SGIP1: variants seen among roughly 807,000 people sequenced by gnomAD.
SGIP1 encodes the protein SH3-containing GRB2-like protein 3-interacting protein 1.
A neutral mutation model predicts 107.5 loss-of-function variants in SGIP1; 38 were observed. The observed-to-expected ratio is 0.35, with a 90% CI of 0.27 to 0.46. The LOEUF is 0.46. SGIP1 is among the 20% of genes least tolerant of loss of function. The pLI is 1.00. For synonymous variants in SGIP1, 365 were observed against 366.1 expected (o/e 1.00, Z 0.03); for missense variants, 929 against 1,019.5 (o/e 0.91, Z 1.21).
At chr1:66,676,699 A>G (rs774036121) in intron 12 of SGIP1, among the ~76,000 whole-genome samples, 1 of 152,164 alleles carries the variant, frequency 6.6e-6, no homozygotes, top group Non-Finnish European at 1.5e-5. Flanking sequence ...GAGCCAGTAC[A>G]TGTACTGATA....
intron 19 of SGIP1, among the ~76,000 whole-genome samples, chr1:66,728,105 A>G (rs2093842251): frequency 6.6e-6 from 1 of 152,170 alleles, no homozygotes; most frequent in Non-Finnish European, 1.5e-5. Context: ...AACTTATATG[A>G]CTGAGTTTAC....
At chr1:66,553,761 C>T (rs145750080) in intron 1 of SGIP1, among the ~76,000 whole-genome samples, 204 of 152,196 alleles carry the variant, frequency 1.3e-3, no homozygotes, top group Non-Finnish European at 2.3e-3. Flanking sequence ...TTCATCACCT[C>T]CTAGTGCTGC....
At chr1:66,597,983 A>G (rs1435038237) in intron 1 of SGIP1, among the ~76,000 whole-genome samples, 1 of 152,160 alleles carries the variant, frequency 6.6e-6, no homozygotes, top group Non-Finnish European at 1.5e-5. Flanking sequence ...AAAGTCCTAT[A>G]TAGTTCAAGC....
intron 1 of SGIP1, among the ~76,000 whole-genome samples, chr1:66,600,143 G>A (rs2065493695): frequency 6.6e-6 from 1 of 152,158 alleles, no homozygotes; most frequent in Non-Finnish European, 1.5e-5. Context: ...CTTATGAACA[G>A]CACGTTAAAC....
chr1:66,655,475 C>T (rs529954710), intron 7 of SGIP1, among the ~76,000 whole-genome samples: 41 of 152,282 alleles, frequency 2.7e-4, no homozygotes, highest in African/African-American at 9.6e-4. Context: ...TAAATACTTT[C>T]CTTATTTAAT....
intron 19 of SGIP1, among the ~76,000 whole-genome samples, chr1:66,727,752 T>C (rs758464984): frequency 1.3e-5 from 2 of 152,154 alleles, no homozygotes; most frequent in African/African-American, 2.4e-5. Context: ...AATAATTATG[T>C]GCAGTGAAAG....
rs75949757 is a variant in SGIP1 at position 66,614,178 on chromosome 1, G to C, written c.11-11669G>C. On this transcript the variant is annotated intron_variant, in intron 1 of 24. Coordinates refer to ENST00000371037, the MANE Select transcript of SGIP1 (RefSeq NM_032291.4). ...AATAGAAGATCTGTAAGTAAAGACA[G>C]AGAATAATGACATGACTGTTTACTC... is the stretch of plus-strand genomic sequence containing the variant. Among the ~76,000 whole-genome samples, 146 of 152,326 alleles carry C rather than the reference G, an allele frequency of 9.6e-4. 6 individuals carry two copies. The East Asian group carries it at 0.018, about 18-fold the overall frequency.
intron 1 of SGIP1, among the ~76,000 whole-genome samples, chr1:66,610,715 A>T (rs2067809662): frequency 6.6e-6 from 1 of 150,852 alleles, no homozygotes. Flanking sequence ...CATAGTATAG[A>T]TTTTTTTTTT....
At chr1:66,543,692 G>A (rs1219447762) in intron 1 of SGIP1, among the ~76,000 whole-genome samples, 1 of 152,148 alleles carries the variant, frequency 6.6e-6, no homozygotes, top group Non-Finnish European at 1.5e-5. Flanking sequence ...TCAGTACAGT[G>A]TGGGGGGAAG....
intron 1 of SGIP1, among the ~76,000 whole-genome samples, chr1:66,562,728 A>C (rs1571367031): frequency 6.6e-6 from 1 of 152,082 alleles, no homozygotes; most frequent in East Asian, 1.9e-4. Flanking sequence ...GGGGAAAGAA[A>C]AAATTGAATT....
intron 7 of SGIP1, among the ~76,000 whole-genome samples, chr1:66,651,038 C>T (rs915837971): frequency 8.5e-5 from 13 of 152,140 alleles, no homozygotes; most frequent in African/African-American, 3.1e-4. Context: ...ATACTGCCCA[C>T]TTCATAGGAT....
At chr1:66,626,047 A>G in intron 2 of SGIP1, 137 bp downstream of exon 2, 1 of 514,098 alleles carries the variant, frequency 1.9e-6, no homozygotes. Flanking sequence ...GTAAATTGTA[A>G]TTATTCAATA....
At chr1:66,703,523 G>GCACA (rs138975824) in intron 18 of SGIP1, among the ~76,000 whole-genome samples, 9 of 146,716 alleles carry the variant, frequency 6.1e-5, no homozygotes, top group Admixed American at 2.8e-4. Flanking sequence ...ACATACATAT[G>GCACA]CACACACACA....
At chr1:66,633,416 A>G (rs2075190554) in intron 3 of SGIP1, among the ~76,000 whole-genome samples, 1 of 152,228 alleles carries the variant, frequency 6.6e-6, no homozygotes, top group African/African-American at 2.4e-5. Context: ...GTAAAAGCTC[A>G]TTATGGGAGA....
chr1:66,726,146 CT>C (rs1349875703), intron 19 of SGIP1, among the ~76,000 whole-genome samples: 1 of 152,186 alleles, frequency 6.6e-6, no homozygotes, highest in African/African-American at 2.4e-5. Flanking sequence ...CAACCTAGCA[CT>C]ACGTAAGCCT....
At position 66,580,426 on chromosome 1, in the gene SGIP1, G is replaced by T. The variant is rs573887522; in HGVS notation, c.11-45421G>T. 2.0e-5 allele frequency among the ~76,000 whole-genome samples: 3 copies of T among 152,208 alleles called. No homozygotes were observed. The East Asian group carries it at 5.8e-4, about 29-fold the overall frequency. ...TCTCTACTCAGATATCACCTAAAAAGTCTTTCTTGAGCATACCACCTAAAA... is the reference window on the plus strand; with the variant it reads ...TCTCTACTCAGATATCACCTAAAAATTCTTTCTTGAGCATACCACCTAAAA... On this transcript the variant is annotated intron_variant, in intron 1 of 24. Coordinates refer to ENST00000371037, the MANE Select transcript of SGIP1 (RefSeq NM_032291.4).
chr1:66,552,291 T>C (rs139710751), intron 1 of SGIP1, among the ~76,000 whole-genome samples: 1 of 152,282 alleles, frequency 6.6e-6, no homozygotes, highest in East Asian at 1.9e-4. Context: ...GCTATGTATC[T>C]GAAAGAGTCT....
At chr1:66,662,167 C>A (rs571017669) in intron 8 of SGIP1, among the ~76,000 whole-genome samples, 46 of 152,288 alleles carry the variant, frequency 3.0e-4, no homozygotes, top group Non-Finnish European at 5.4e-4. Flanking sequence ...TAGGAATCCT[C>A]GTAGGAATCT....
intron 19 of SGIP1, among the ~76,000 whole-genome samples, chr1:66,725,855 A>G (rs2093728909): frequency 6.6e-6 from 1 of 152,160 alleles, no homozygotes; most frequent in Non-Finnish European, 1.5e-5. Flanking sequence ...GGCCGAGGGA[A>G]TTGCCAGGGG....
Sources: allele counts gnomAD v4.1 joint callset (sites outside exome capture counted in the v4.1 genomes callset), GRCh38; gene constraint gnomAD v4.1.1; transcripts MANE v1.5; gene names NCBI Gene and HGNC (gene_info 2026-07-23, HGNC 2026-07-21).